Variants in TACC2 observed in about 807,000 individuals in gnomAD.
TACC2 encodes the protein transforming acidic coiled-coil-containing protein 2.
A neutral mutation model predicts 227.3 loss-of-function variants in TACC2; 137 were observed. The ratio of observed to expected loss-of-function variants is 0.60; its 90% CI spans 0.52 to 0.69. The LOEUF (loss-of-function observed/expected upper bound fraction) is 0.69. Among genes scored for constraint, TACC2 ranks in the 30% least tolerant of loss-of-function variants. The pLI, the probability that TACC2 is intolerant of heterozygous loss-of-function variation, is 0.00. For synonymous variants in TACC2, 1,523 were observed against 1,487.5 expected (o/e 1.02, Z -0.55); for missense variants, 3,470 against 3,694.4 (o/e 0.94, Z 1.57).
chr10:122,062,477 ATT>A (rs67512008), intron 3 of TACC2, among the ~76,000 whole-genome samples: 348 of 142,754 alleles, frequency 2.4e-3, no homozygotes, highest in Middle Eastern at 3.6e-3. Context: ...CTAATTTTGA[ATT>A]TTTTTTTTTT....
In TACC2 at chr10:122,205,664, G is replaced by A. The variant is rs1429261464; in HGVS notation, c.5972-4733G>A. Among the ~76,000 whole-genome samples the A allele has an allele frequency of 1.3e-5, 2 of 152,202 alleles. No homozygotes were observed. The highest frequency in any genetic ancestry group is 2.4e-5 in the African/African-American group (1 of 41,458). ...ACCTGTGGCACCTGTTACGATGGGG[G>A]CCCTGAGCCCCCACCCCAGCCCTGC... is the stretch of plus-strand genomic sequence containing the variant. On this transcript the variant is annotated intron_variant, in intron 8 of 22. Coordinates refer to ENST00000369005, the MANE Select transcript of TACC2 (RefSeq NM_206862.4). This position sits in a 1 kb window ranked among gnomAD's most constrained non-coding sequence, Gnocchi z 4.5.
intron 7 of TACC2, among the ~76,000 whole-genome samples, chr10:122,170,339 G>A (rs2093410482): frequency 7.4e-6 from 1 of 134,646 alleles, no homozygotes. Context: ...GCATGATCTG[G>A]GCCACATTGC....
chr10:122,146,497 C>T (rs2091390302), intron 7 of TACC2, among the ~76,000 whole-genome samples: 1 of 151,932 alleles, frequency 6.6e-6, no homozygotes, highest in East Asian at 1.9e-4. Context: ...TAATGGATTG[C>T]TGGGATATCA....
intron 7 of TACC2, among the ~76,000 whole-genome samples, chr10:122,160,713 C>T (rs2092769447): frequency 6.6e-6 from 1 of 152,110 alleles, no homozygotes; most frequent in African/African-American, 2.4e-5. Flanking sequence ...AGCATTCAGT[C>T]CATAGCACAG....
chr10:122,165,079 G>C (rs1377056867), intron 7 of TACC2, among the ~76,000 whole-genome samples: 1 of 152,128 alleles, frequency 6.6e-6, no homozygotes, highest in Non-Finnish European at 1.5e-5. Context: ...TCATTCTTCC[G>C]AGCAGGTGTG....
intron 7 of TACC2, among the ~76,000 whole-genome samples, chr10:122,152,170 C>A (rs1750804191): frequency 6.6e-6 from 1 of 152,200 alleles, no homozygotes; most frequent in Non-Finnish European, 1.5e-5. Flanking sequence ...TTGTGCCCCA[C>A]CTTGGTGTCC....
At chr10:122,223,484 C>G (rs1288835910) in intron 11 of TACC2, among the ~76,000 whole-genome samples, 2 of 152,176 alleles carry the variant, frequency 1.3e-5, no homozygotes, top group Non-Finnish European at 2.9e-5. Flanking sequence ...TGCAACAGGG[C>G]TTTCTGGCCT....
chr10:122,028,084 CTTTTTTTTTT>C (rs59135261), intron 2 of TACC2, among the ~76,000 whole-genome samples: 1 of 91,732 alleles, frequency 1.1e-5, no homozygotes. Context: ...TTCTTTCTTT[CTTTTTTTTTT>C]TTTTTTTTTT....
Position 122,248,228 on chromosome 10 carries a change from C to T in TACC2, c.8393-415C>T, listed in dbSNP as rs1055769870. ...GTCCTGATACATAGGAGGGCCCATC[C>T]CTCACAGCCCAGACCTCACACCCTT... On this transcript the variant is annotated intron_variant, in intron 19 of 22. Coordinates refer to ENST00000369005, the MANE Select transcript of TACC2 (RefSeq NM_206862.4). The T allele has an allele frequency of 5.8e-5, 10 of 171,624 alleles. No individual in the cohort carries two copies. In the East Asian group the frequency reaches 1.4e-3, roughly 24 times the overall value. The allele number at this position is 171,624 out of a possible 1,614,324, so 10.6% of individuals were successfully genotyped here.
At chr10:122,169,971 G>T (rs572203515) in intron 7 of TACC2, among the ~76,000 whole-genome samples, 1 of 152,124 alleles carries the variant, frequency 6.6e-6, no homozygotes, top group South Asian at 2.1e-4. Flanking sequence ...AGCTGGTCTT[G>T]AGCTCCTGGG....
At chr10:122,250,319 A>G (rs1308225634) in intron 22 of TACC2, among the ~76,000 whole-genome samples, 2 of 152,116 alleles carry the variant, frequency 1.3e-5, no homozygotes, top group Non-Finnish European at 2.9e-5. Flanking sequence ...TCTCAAGGAG[A>G]GGATTTCCAG....
chr10:122,055,414 A>G (rs755400084), intron 3 of TACC2, among the ~76,000 whole-genome samples: 1 of 152,224 alleles, frequency 6.6e-6, no homozygotes, highest in African/African-American at 2.4e-5. Context: ...TTGCAGGGAC[A>G]TGGATGGAGC....
chr10:122,023,918 C>T (rs1957664957), intron 2 of TACC2: 2 of 152,068 alleles, frequency 1.3e-5, no homozygotes, highest in South Asian at 4.1e-4. Context: ...AGGGAAGCCA[C>T]CATCAGCTCC....
At chr10:122,025,177 A>G (rs1017358831) in intron 2 of TACC2, among the ~76,000 whole-genome samples, 7 of 152,200 alleles carry the variant, frequency 4.6e-5, no homozygotes, top group African/African-American at 1.4e-4. Flanking sequence ...AACACATTTC[A>G]TGTGCTTATC....
At chr10:122,223,466 A>T (rs1265551644) in intron 11 of TACC2, among the ~76,000 whole-genome samples, 2 of 152,152 alleles carry the variant, frequency 1.3e-5, no homozygotes, top group Non-Finnish European at 2.9e-5. Flanking sequence ...ACTCATCTTT[A>T]TTCAGGATGC....
intron 2 of TACC2, among the ~76,000 whole-genome samples, chr10:122,030,974 T>A (rs1958875060): frequency 6.6e-6 from 1 of 152,090 alleles, no homozygotes; most frequent in South Asian, 2.1e-4. Flanking sequence ...ATGATCTACC[T>A]GGCCATCCAA....
chr10:122,143,905 C>T (rs143981070), intron 7 of TACC2, among the ~76,000 whole-genome samples, 199 bp downstream of exon 7: 2 of 152,300 alleles, frequency 1.3e-5, no homozygotes, highest in Admixed American at 6.5e-5. Flanking sequence ...CCTCATGTCA[C>T]AGTGGGAAGC....
chr10:122,213,251 C>A, intron 9 of TACC2: 1 of 1,390,400 alleles, frequency 7.2e-7, no homozygotes, highest in South Asian at 1.2e-5. Context: ...GCCGCCATAT[C>A]CTAACCCATT....
intron 1 of TACC2, among the ~76,000 whole-genome samples, chr10:122,007,207 A>C (rs1955286621): frequency 6.6e-6 from 1 of 152,072 alleles, no homozygotes; most frequent in South Asian, 2.1e-4. Flanking sequence ...TTTAATTTAC[A>C]TCTGTTATCC....
Sources: allele counts gnomAD v4.1 joint callset (sites outside exome capture counted in the v4.1 genomes callset), GRCh38; gene constraint gnomAD v4.1.1; non-coding constraint Gnocchi (gnomAD v3.1); transcripts MANE v1.5; gene names NCBI Gene and HGNC (gene_info 2026-07-23, HGNC 2026-07-21).